FOXP1: variants seen among roughly 807,000 people sequenced by gnomAD.
FOXP1 encodes forkhead box protein P1.
FOXP1 carries 15 observed loss-of-function variants against 98.2 expected under a neutral mutation model. The observed-to-expected ratio is 0.15, with a 90% CI of 0.10 to 0.24. FOXP1 has a LOEUF of 0.24. FOXP1 is among the 10% of genes least tolerant of loss of function. The pLI, the probability that FOXP1 is intolerant of heterozygous loss-of-function variation, is 1.00. For synonymous variants in FOXP1, 371 were observed against 314.5 expected (o/e 1.18, Z -1.90); for missense variants, 633 against 848.5 (o/e 0.75, Z 3.15).
intron 5 of FOXP1, among the ~76,000 whole-genome samples, chr3:71,299,489 A>G (rs2073658655): frequency 6.6e-6 from 1 of 152,254 alleles, no homozygotes; most frequent in African/African-American, 2.4e-5. Context: ...AATTTTATGA[A>G]TCACCACTTT....
chr3:71,052,992 T>C (rs1047609518), intron 8 of FOXP1, among the ~76,000 whole-genome samples: 4 of 152,200 alleles, frequency 2.6e-5, no homozygotes, highest in African/African-American at 9.7e-5. Context: ...TGTTATTCAG[T>C]GTGTGCATGG....
intron 5 of FOXP1, among the ~76,000 whole-genome samples, chr3:71,293,956 T>C (rs1028876884): frequency 1.3e-5 from 2 of 152,188 alleles, no homozygotes; most frequent in African/African-American, 4.8e-5. Flanking sequence ...TTTAAGACAG[T>C]TAAAAATTTT....
chr3:71,452,886 C>T (rs1479024011), intron 3 of FOXP1, among the ~76,000 whole-genome samples: 1 of 152,186 alleles, frequency 6.6e-6, no homozygotes, highest in Admixed American at 6.5e-5. Flanking sequence ...ACCACTCTTA[C>T]TACTTACAAG....
At chr3:71,424,205 A>G (rs565761222) in intron 3 of FOXP1, among the ~76,000 whole-genome samples, 1 of 152,326 alleles carries the variant, frequency 6.6e-6, no homozygotes, top group African/African-American at 2.4e-5. Flanking sequence ...AGCAGCAAGA[A>G]GGAAGGGACA....
rs1305485532 is a variant in FOXP1, at chr3:71,115,678, C to A, written c.181-3041G>T. Among the ~76,000 whole-genome samples the A allele has an allele frequency of 2.6e-5, 4 of 151,566 alleles. No individual in the cohort carries two copies. The South Asian group carries it at 6.3e-4, about 24-fold the overall frequency. ...CAAGTCTCAGAGCAGCTATAGTCAA[C>A]TCCTCACTTCAGCAAAGTGTCTTTA... On this transcript the variant is annotated intron_variant, in intron 6 of 20. Transcript: ENST00000649528.
chr3:71,129,056 A>G (rs979594040), intron 6 of FOXP1, among the ~76,000 whole-genome samples: 1 of 152,194 alleles, frequency 6.6e-6, no homozygotes, highest in Non-Finnish European at 1.5e-5. Flanking sequence ...CTGATAAATA[A>G]TCAAACATGC....
At chr3:70,967,711 T>C (rs1388684884) in intron 19 of FOXP1, among the ~76,000 whole-genome samples, 1 of 108,212 alleles carries the variant, frequency 9.2e-6, no homozygotes. Context: ...TTTTTTTTTG[T>C]TTTTTTTTTT....
intron 2 of FOXP1, among the ~76,000 whole-genome samples, chr3:71,524,289 G>A (rs2107481169): frequency 6.6e-6 from 1 of 152,212 alleles, no homozygotes; most frequent in South Asian, 2.1e-4. Context: ...ACTTGAATCA[G>A]GAAGCAGAGG....
intron 5 of FOXP1, chr3:71,292,527 G>C (rs1199262594): frequency 1.3e-5 from 2 of 152,018 alleles, no homozygotes; most frequent in African/African-American, 4.8e-5. Context: ...CAGATACCAG[G>C]TTTCGCCATG....
intron 4 of FOXP1, among the ~76,000 whole-genome samples, chr3:71,316,310 C>G (rs559585565): frequency 4.9e-4 from 74 of 152,324 alleles, no homozygotes; most frequent in African/African-American, 1.8e-3. Context: ...GCCTCCTCCA[C>G]GGCATGGTGA....
intron 14 of FOXP1, among the ~76,000 whole-genome samples, chr3:70,979,824 T>C (rs1005519428): frequency 1.4e-4 from 21 of 148,904 alleles, no homozygotes; most frequent in African/African-American, 3.2e-4. Context: ...CTCTCTAATA[T>C]GTTTCAGGAG....
intron 4 of FOXP1, among the ~76,000 whole-genome samples, chr3:71,338,362 A>G (rs2076811868): frequency 6.6e-6 from 1 of 152,250 alleles, no homozygotes; most frequent in Admixed American, 6.5e-5. Flanking sequence ...GGATTTGAAT[A>G]ACCTAAAGAA....
In FOXP1 at chr3:71,397,027, T is replaced by C. The variant is rs1286103302; in HGVS notation, c.-167-37783A>G. Among the ~76,000 whole-genome samples, 82 of 90,324 alleles carry C rather than the reference T, an allele frequency of 9.1e-4. 9 individuals are homozygous for C. The highest frequency in any genetic ancestry group is 5.5e-3 in the East Asian group (24 of 4,366). 59.3% of individuals were successfully genotyped at this position (90,324 alleles called of 152,430 possible). A position where few individuals can be genotyped will look rare whatever the true frequency, so the allele number is the denominator to read the frequency against. The stretch of plus-strand genomic sequence containing the variant: ...ATATGTGTATATATATATATATACA[T>C]ATATATGTGTATATATATATACACA... On this transcript the variant is annotated intron_variant, in intron 3 of 20. Transcript: ENST00000649528.
chr3:71,418,666 T>C (rs2083399106), intron 3 of FOXP1, among the ~76,000 whole-genome samples: 1 of 152,180 alleles, frequency 6.6e-6, no homozygotes, highest in Admixed American at 6.5e-5. Flanking sequence ...AAACACTACT[T>C]AACTGTCAAT....
intron 3 of FOXP1, among the ~76,000 whole-genome samples, chr3:71,396,705 A>C (rs999226059): frequency 7.9e-5 from 12 of 151,456 alleles, no homozygotes; most frequent in Non-Finnish European, 1.3e-4. Flanking sequence ...AAATTTTAAA[A>C]AATGTTTAAG....
rs535186260 is a variant in FOXP1, at chr3:71,141,251, A to T, written c.181-28614T>A. On this transcript the variant is annotated intron_variant, in intron 6 of 20. Transcript: ENST00000649528. ...CCACCGCATTCCAGCCTGGTGACAGAGCAAGACTCTGTCTCAAAAAAAAAA... is the reference window on the plus strand; with the variant it reads ...CCACCGCATTCCAGCCTGGTGACAGTGCAAGACTCTGTCTCAAAAAAAAAA... Among the ~76,000 whole-genome samples, 171 of 140,444 alleles carry T rather than the reference A, an allele frequency of 1.2e-3. 1 individual carries two copies. The highest frequency in any genetic ancestry group is 4.5e-3 in the African/African-American group (163 of 36,120). 92.1% of individuals were successfully genotyped at this position (140,444 alleles called of 152,430 possible). A position where few individuals can be genotyped will look rare whatever the true frequency, so the allele number is the denominator to read the frequency against.
In FOXP1 at chr3:71,001,418, G is replaced by A. The variant is rs186113201; in HGVS notation, c.975-359C>T. ...TATTTCGGAAGAGTCTAATTTGTAT[G>A]GGTTGGAACAGGATCGTCTGACCAC... On this transcript the variant is annotated intron_variant, in intron 12 of 20. Coordinates refer to ENST00000649528, the MANE Select transcript of FOXP1 (RefSeq NM_001349338.3). Among the ~76,000 whole-genome samples the A allele has an allele frequency of 2.8e-3, 426 of 152,282 alleles. 2 individuals are homozygous for A. Among genetic ancestry groups the A allele is most frequent in the African/African-American group, 9.8e-3 (406 of 41,544 alleles).
intron 20 of FOXP1, among the ~76,000 whole-genome samples, chr3:70,965,287 CA>C (rs377135503): frequency 4.5e-4 from 68 of 152,342 alleles, no homozygotes; most frequent in African/African-American, 1.6e-3. Flanking sequence ...TGGTTCCATT[CA>C]CATTCAGCAT....
At chr3:71,417,933 A>C (rs995550770) in intron 3 of FOXP1, among the ~76,000 whole-genome samples, 1 of 151,746 alleles carries the variant, frequency 6.6e-6, no homozygotes, top group Non-Finnish European at 1.5e-5. Context: ...GAGAAGACAG[A>C]CTGTGGATAG....
Sources: allele counts gnomAD v4.1 joint callset (sites outside exome capture counted in the v4.1 genomes callset), GRCh38; gene constraint gnomAD v4.1.1; transcripts MANE v1.5; gene names NCBI Gene and HGNC (gene_info 2026-07-23, HGNC 2026-07-21).